LEKR1: variants seen among roughly 807,000 people sequenced by gnomAD.
LEKR1 encodes the protein leucine, glutamate and lysine rich 1.
In LEKR1, 59 loss-of-function variants were observed where a neutral mutation model predicts 72.4. The observed-to-expected ratio is 0.82, with a 90% CI of 0.66 to 1.01. LEKR1 has a LOEUF of 1.01. Among genes scored for constraint, LEKR1 ranks in the 50% least tolerant of loss-of-function variants. The pLI is 0.00. For missense variants in LEKR1, 728 were observed against 759.2 expected, an observed-to-expected ratio of 0.96 and a Z score of 0.48; for synonymous variants, 257 against 263.2, an observed-to-expected ratio of 0.98 and a Z score of 0.23.
At chr3:157,034,825 C>A (rs1577024968) in intron 12 of LEKR1, among the ~76,000 whole-genome samples, 1 of 151,728 alleles carries the variant, frequency 6.6e-6, no homozygotes, top group Admixed American at 6.6e-5. Flanking sequence ...TTTTTATTTT[C>A]TTTTTGAGAC....
At chr3:156,963,676 A>G (rs1056318390) in intron 6 of LEKR1, among the ~76,000 whole-genome samples, 3 of 152,142 alleles carry the variant, frequency 2.0e-5, no homozygotes, top group African/African-American at 7.2e-5. Context: ...ACCACTTGCC[A>G]TATGTCAGCC....
Position 156,986,773 on chromosome 3 carries a change from A to G in LEKR1, c.828-5880A>G, listed in dbSNP as rs1302402052. On this transcript the variant is annotated intron_variant, in intron 7 of 12. Coordinates refer to ENST00000356539, the MANE Select transcript of LEKR1 (RefSeq NM_001004316.3). ...ATAAGGGCTTCTTTGAGGAGTGCAC[A>G]AGATACATAATGTGTTACCTTTTAC... Among the ~76,000 whole-genome samples, 3 of 152,226 alleles carry G rather than the reference A, an allele frequency of 2.0e-5. No individual in the cohort carries two copies. In the East Asian group the frequency reaches 5.8e-4, roughly 29 times the overall value.
At chr3:156,871,216 T>C (rs540344797) in intron 3 of LEKR1, among the ~76,000 whole-genome samples, 1 of 152,168 alleles carries the variant, frequency 6.6e-6, no homozygotes, top group East Asian at 1.9e-4. Flanking sequence ...GTTTGGTTTT[T>C]TGTTCTTGCG....
At chr3:156,984,900 C>T (rs1576948429) in intron 7 of LEKR1, among the ~76,000 whole-genome samples, 2 of 152,042 alleles carry the variant, frequency 1.3e-5, no homozygotes, top group East Asian at 3.9e-4. Flanking sequence ...CAGCATCTGA[C>T]AGTTGACCAA....
At chr3:156,975,883 G>A (rs1045086187) in intron 6 of LEKR1, among the ~76,000 whole-genome samples, 1 of 152,064 alleles carries the variant, frequency 6.6e-6, no homozygotes, top group Admixed American at 6.6e-5. Flanking sequence ...AGGCATTTAG[G>A]GCCTTGTTCC....
At chr3:157,015,604 G>T (rs750505950) in intron 10 of LEKR1, among the ~76,000 whole-genome samples, 31 of 152,220 alleles carry the variant, frequency 2.0e-4, no homozygotes, top group Middle Eastern at 3.4e-3. Context: ...CAGAGCTCAA[G>T]AATATTCATA....
chr3:156,895,250 A>G (rs1721056361), intron 3 of LEKR1, among the ~76,000 whole-genome samples: 1 of 152,252 alleles, frequency 6.6e-6, no homozygotes, highest in East Asian at 1.9e-4. Flanking sequence ...TCTCAAAGGA[A>G]GACATTCATG....
At chr3:156,907,462 G>A (rs1722636382) in intron 3 of LEKR1, among the ~76,000 whole-genome samples, 1 of 151,844 alleles carries the variant, frequency 6.6e-6, no homozygotes, top group Non-Finnish European at 1.5e-5. Context: ...TTATTTAACT[G>A]TTCCTCTAAT....
At chr3:156,995,159 T>A (rs1251912770) in intron 9 of LEKR1, among the ~76,000 whole-genome samples, 1 of 152,212 alleles carries the variant, frequency 6.6e-6, no homozygotes, top group Non-Finnish European at 1.5e-5. Context: ...ATAAATTATC[T>A]CTGACTGCAG....
At chr3:156,998,471 A>G (rs1329384840) in intron 9 of LEKR1, among the ~76,000 whole-genome samples, 1 of 152,152 alleles carries the variant, frequency 6.6e-6, no homozygotes, top group Non-Finnish European at 1.5e-5. Context: ...GCATTCTTAG[A>G]TGCTGTATTA....
rs187193055 is a variant in LEKR1 at position 157,014,619 on chromosome 3, T to A, written c.1203+3113T>A. 1.6e-4 allele frequency among the ~76,000 whole-genome samples: 24 copies of A among 152,264 alleles called. No individual in the cohort carries two copies. In the South Asian group the frequency reaches 3.9e-3, roughly 25 times the overall value. On this transcript the variant is annotated intron_variant, in intron 10 of 12. Coordinates refer to ENST00000356539, the MANE Select transcript of LEKR1 (RefSeq NM_001004316.3). ...AATATCAATTTTAATTTATGCATAATAAACATGGCTAAAAGGAATATTGAG... is the reference window on the plus strand; with the variant it reads ...AATATCAATTTTAATTTATGCATAAAAAACATGGCTAAAAGGAATATTGAG...
chr3:156,857,446 A>G (rs1716208588), intron 3 of LEKR1, among the ~76,000 whole-genome samples: 1 of 152,162 alleles, frequency 6.6e-6, no homozygotes, highest in Non-Finnish European at 1.5e-5. Flanking sequence ...CTTGCCATAA[A>G]TAGAAGATTT....
chr3:156,955,171 G>A (rs1727510932), intron 6 of LEKR1, among the ~76,000 whole-genome samples: 1 of 151,816 alleles, frequency 6.6e-6, no homozygotes. Context: ...ACCTGTTGTT[G>A]ATGTATAGGA....
chr3:156,839,023 G>GA (rs895659456), intron 2 of LEKR1, among the ~76,000 whole-genome samples: 17 of 150,616 alleles, frequency 1.1e-4, no homozygotes, highest in South Asian at 2.1e-4. Context: ...CCCTATTCTG[G>GA]AAAAAAAAAG....
At chr3:157,037,655 T>G (rs1735060758) in intron 12 of LEKR1, among the ~76,000 whole-genome samples, 1 of 152,210 alleles carries the variant, frequency 6.6e-6, no homozygotes, top group South Asian at 2.1e-4. Flanking sequence ...CAAAATTAGC[T>G]ATACACCTGT....
chr3:157,030,911 G>A (rs1041105975), intron 12 of LEKR1, among the ~76,000 whole-genome samples: 15 of 152,150 alleles, frequency 9.9e-5, no homozygotes, highest in Admixed American at 2.6e-4. Context: ...CAGGGCAAGC[G>A]AGTGAGAATG....
At chr3:156,975,330 C>T (rs1391099723) in intron 6 of LEKR1, among the ~76,000 whole-genome samples, 1 of 152,058 alleles carries the variant, frequency 6.6e-6, no homozygotes, top group East Asian at 1.9e-4. Flanking sequence ...TCTCTGGGTG[C>T]CAGTTCATCT....
intron 2 of LEKR1, among the ~76,000 whole-genome samples, chr3:156,851,906 A>G (rs1317662269): frequency 6.6e-6 from 1 of 152,152 alleles, no homozygotes; most frequent in African/African-American, 2.4e-5. Context: ...CTACTGAGAA[A>G]TATTTATACC....
At chr3:156,999,650 A>G (rs568398467) in intron 9 of LEKR1, among the ~76,000 whole-genome samples, 1 of 152,284 alleles carries the variant, frequency 6.6e-6, no homozygotes, top group South Asian at 2.1e-4. Flanking sequence ...CTTTTCTTGC[A>G]TAAGTTTGCC....
Sources: gnomAD v4.1 joint callset for allele counts (sites outside exome capture counted in the v4.1 genomes callset) on GRCh38, gnomAD v4.1.1 for gene constraint, MANE v1.5 for transcripts, NCBI Gene and HGNC (gene_info 2026-07-23, HGNC 2026-07-21) for gene names.